Variants in PLD5 observed in about 807,000 individuals in gnomAD.
The protein encoded by PLD5 is inactive phospholipase D5.
A neutral mutation model predicts 61.1 loss-of-function variants in PLD5; 36 were observed. The observed-to-expected ratio is 0.59, with a 90% CI of 0.45 to 0.78. The LOEUF (loss-of-function observed/expected upper bound fraction) is 0.78. PLD5 is among the 30% of genes least tolerant of loss of function. The pLI is 0.00. For missense variants in PLD5, 515 were observed against 644.4 expected, an observed-to-expected ratio of 0.80 and a Z score of 2.17; for synonymous variants, 243 against 242.8, an observed-to-expected ratio of 1.00 and a Z score of -0.01.
At chr1:242,481,134 G>A (rs1161019617) in intron 1 of PLD5, among the ~76,000 whole-genome samples, 1 of 152,182 alleles carries the variant, frequency 6.6e-6, no homozygotes, top group Non-Finnish European at 1.5e-5. Flanking sequence ...CAGCCTGAGC[G>A]ATGCAGAAGA....
At chr1:242,288,277 A>G in intron 3 of PLD5, 85 bp downstream of exon 3, 1 of 1,565,908 alleles carries the variant, frequency 6.4e-7, no homozygotes, top group African/African-American at 1.4e-5. Flanking sequence ...AATGAGCTTG[A>G]GTTTGAGGAG....
At chr1:242,525,132 G>A (rs188339147), upstream of PLD5, among the ~76,000 whole-genome samples, 1 of 152,112 alleles carries the variant, frequency 6.6e-6, no homozygotes, top group African/African-American at 2.4e-5. Context: ...GGGACTTAGA[G>A]CAGAGGGTGC....
chr1:242,172,263 GC>G (rs1321325765), intron 5 of PLD5, among the ~76,000 whole-genome samples: 1 of 152,184 alleles, frequency 6.6e-6, no homozygotes, highest in Non-Finnish European at 1.5e-5. Flanking sequence ...TGAACAACCT[GC>G]TCCTGAATGA....
At chr1:242,378,450 C>T (rs1418372595) in intron 1 of PLD5, among the ~76,000 whole-genome samples, 1 of 152,088 alleles carries the variant, frequency 6.6e-6, no homozygotes, top group Admixed American at 6.5e-5. Flanking sequence ...AATGACAGCA[C>T]AACAACGTGA....
At chr1:242,225,216 C>T (rs1670855122) in intron 4 of PLD5, among the ~76,000 whole-genome samples, 1 of 151,632 alleles carries the variant, frequency 6.6e-6, no homozygotes, top group South Asian at 2.1e-4. Flanking sequence ...GAGACCCATT[C>T]ATGCTATTGT....
intron 2 of PLD5, 83 bp downstream of exon 2, chr1:242,348,023 G>A: frequency 6.6e-7 from 1 of 1,525,024 alleles, no homozygotes; most frequent in East Asian, 2.3e-5. Context: ...GTGTGTTTAT[G>A]TATTCTCTTC....
At chr1:242,473,098 C>T (rs1197125232) in intron 1 of PLD5, among the ~76,000 whole-genome samples, 2 of 152,166 alleles carry the variant, frequency 1.3e-5, no homozygotes, top group East Asian at 1.9e-4. Context: ...AGCATGTTAA[C>T]ATTCAGCAGT....
At chr1:242,344,630 A>G (rs1228656283) in intron 2 of PLD5, among the ~76,000 whole-genome samples, 1 of 152,194 alleles carries the variant, frequency 6.6e-6, no homozygotes, top group Admixed American at 6.5e-5. Context: ...TATACAATTT[A>G]CTGAATCCTC....
intron 1 of PLD5, among the ~76,000 whole-genome samples, chr1:242,482,596 A>T (rs1667816781): frequency 6.6e-6 from 1 of 152,210 alleles, no homozygotes; most frequent in African/African-American, 2.4e-5. Flanking sequence ...TGTACCTGAA[A>T]GTAATGGGGA....
chr1:242,100,788 AG>A lies in PLD5; in HGVS notation c.1240-7del, dbSNP rs1208639835. ...CTTTCCAGATCAAAAAATTTCTGTAAGAAAAAAAAAAAGGGGGCAGGTAAAT... is the reference window on the plus strand; with the variant it reads ...CTTTCCAGATCAAAAAATTTCTGTAAAAAAAAAAAAAGGGGGCAGGTAAAT... On this transcript the variant is annotated splice_polypyrimidine_tract_variant and splice_region_variant and intron_variant, in intron 8 of 9. Transcript: ENST00000536534. The A allele has an allele frequency of 3.8e-6, 6 of 1,597,812 alleles. No homozygotes were observed. The highest frequency in any genetic ancestry group is 1.7e-5 in the Admixed American group (1 of 59,032).
Position 242,490,871 on chromosome 1 carries a change from G to T in PLD5, c.189+33217C>A, listed in dbSNP as rs562450085. 1.1e-4 allele frequency among the ~76,000 whole-genome samples: 17 copies of T among 151,696 alleles called. No homozygotes were observed. The South Asian group carries it at 3.3e-3, about 30-fold the overall frequency. ...AATTTGGAGGAGCGCCTTAGGTTTT[G>T]CATTCCTAATAAAATCCGTGGTGAT... On this transcript the variant is annotated intron_variant, in intron 1 of 9. Transcript: ENST00000536534.
intron 1 of PLD5, among the ~76,000 whole-genome samples, chr1:242,493,392 G>A (rs1277214642): frequency 6.6e-6 from 1 of 152,192 alleles, no homozygotes; most frequent in Admixed American, 6.5e-5. Context: ...GCAGGGGTCA[G>A]AACAGGAGGA....
chr1:242,388,442 C>G (rs541482396), intron 1 of PLD5, among the ~76,000 whole-genome samples: 1 of 151,970 alleles, frequency 6.6e-6, no homozygotes, highest in Admixed American at 6.6e-5. Context: ...CAGTCAAGGA[C>G]GCAAACATAA....
chr1:242,098,393 G>T (rs928609385), intron 9 of PLD5, among the ~76,000 whole-genome samples: 1 of 152,166 alleles, frequency 6.6e-6, no homozygotes, highest in Non-Finnish European at 1.5e-5. Context: ...TTCTCATGCC[G>T]TGGTTTTCAG....
intron 5 of PLD5, among the ~76,000 whole-genome samples, chr1:242,174,957 G>A (rs1028142993): frequency 6.6e-5 from 10 of 151,994 alleles, no homozygotes; most frequent in Admixed American, 5.9e-4. Context: ...TGAGTTATTG[G>A]GTGCAGCATA....
chr1:242,218,344 TA>T (rs1309828315), intron 5 of PLD5, among the ~76,000 whole-genome samples: 1 of 152,264 alleles, frequency 6.6e-6, no homozygotes, highest in Non-Finnish European at 1.5e-5. Flanking sequence ...AGTGTAAAGG[TA>T]ACTTTTATAT....
intron 1 of PLD5, among the ~76,000 whole-genome samples, chr1:242,471,508 C>A (rs1296054637): frequency 6.6e-6 from 1 of 151,992 alleles, no homozygotes; most frequent in Non-Finnish European, 1.5e-5. Flanking sequence ...CCTTGCTAGA[C>A]CCTCAAGGTT....
rs992629900 is a variant in PLD5, at chr1:242,415,322, C to T, written c.190-67080G>A. Among the ~76,000 whole-genome samples, 14 of 152,168 alleles carry T rather than the reference C, an allele frequency of 9.2e-5. No individual in the cohort carries two copies. The East Asian group carries it at 2.7e-3, about 29-fold the overall frequency. The stretch of plus-strand genomic sequence containing the variant: ...GAATGAACTGCAGGACTCTGTGAAA[C>T]AGCAAAAGCCTAGAAACAACCCATC... On this transcript the variant is annotated intron_variant, in intron 1 of 9. Transcript: ENST00000536534.
intron 1 of PLD5, among the ~76,000 whole-genome samples, chr1:242,498,730 T>G (rs1478970457): frequency 1.3e-5 from 2 of 152,210 alleles, no homozygotes; most frequent in African/African-American, 2.4e-5. Flanking sequence ...CACTGCTTCA[T>G]TTTTCTTCGT....
Sources: allele counts gnomAD v4.1 joint callset (sites outside exome capture counted in the v4.1 genomes callset), GRCh38; gene constraint gnomAD v4.1.1; transcripts MANE v1.5; gene names NCBI Gene and HGNC (gene_info 2026-07-23, HGNC 2026-07-21).